TXNDC11: variants seen among roughly 807,000 people sequenced by gnomAD.
TXNDC11 encodes thioredoxin domain-containing protein 11.
A neutral mutation model predicts 78.0 loss-of-function variants in TXNDC11; 68 were observed. That is an observed-to-expected ratio of 0.87 (90% confidence interval 0.72 to 1.07). The LOEUF (loss-of-function observed/expected upper bound fraction) is 1.07, where lower values mean the gene tolerates loss of function less well. Among genes scored for constraint, TXNDC11 ranks in the 50% least tolerant of loss-of-function variants. The probability of loss-of-function intolerance (pLI) is 0.00; values close to 1 mark genes in which losing one functional copy is unlikely to be tolerated. For missense variants in TXNDC11, 1,389 were observed against 1,221.8 expected, an observed-to-expected ratio of 1.14 and a Z score of -2.04; for synonymous variants, 571 against 495.2, an observed-to-expected ratio of 1.15 and a Z score of -2.03.
At chr16:11,697,336 C>A (rs1394259863) in intron 7 of TXNDC11, among the ~76,000 whole-genome samples, 4 of 152,196 alleles carry the variant, frequency 2.6e-5, no homozygotes, top group Non-Finnish European at 4.4e-5. Context: ...CAGTGGTACA[C>A]TGGCTGTCTG....
In TXNDC11 at chr16:11,735,968, C is replaced by T. The variant is rs1388532438; in HGVS notation, c.471+49G>A. On this transcript the variant is annotated intron_variant, in intron 2 of 11. Transcript: ENST00000283033. ...GTCTCTGTGGGGACATCCTGCCCTA[C>T]ATATAGGACTGACAGTCATTTGATT... 10 of 1,580,746 alleles carry T rather than the reference C, an allele frequency of 6.3e-6. No homozygotes were observed. In the African/African-American group the frequency reaches 8.1e-5, roughly 13 times the overall value.
chr16:11,694,564 C>G (rs1273354239), intron 7 of TXNDC11, among the ~76,000 whole-genome samples: 3 of 152,040 alleles, frequency 2.0e-5, no homozygotes, highest in South Asian at 2.1e-4. Context: ...TCTCCTGCCT[C>G]AGCCTCCCAA....
chr16:11,731,584 A>G (rs2052048431), intron 3 of TXNDC11, among the ~76,000 whole-genome samples: 1 of 152,138 alleles, frequency 6.6e-6, no homozygotes, highest in African/African-American at 2.4e-5. Context: ...TCTTTTCTCT[A>G]AACAGAAATT....
chr16:11,682,488 C>T lies in TXNDC11; in HGVS notation c.2234+1677G>A, dbSNP rs540525318. Among the ~76,000 whole-genome samples the T allele has an allele frequency of 1.1e-4, 16 of 152,332 alleles. No homozygotes were observed. The South Asian group carries it at 2.1e-3, about 20-fold the overall frequency. ...AAGAACGAAGGTCACTCAGCCCAGA[C>T]GCAGGCCTCCAGATGACGCCCCACC... On this transcript the variant is annotated intron_variant, in intron 11 of 11. Coordinates refer to ENST00000283033, the MANE Select transcript of TXNDC11 (RefSeq NM_015914.7).
intron 4 of TXNDC11, among the ~76,000 whole-genome samples, chr16:11,729,242 G>A (rs1260682227): frequency 6.6e-6 from 1 of 152,158 alleles, no homozygotes; most frequent in Non-Finnish European, 1.5e-5. Flanking sequence ...AACCCAGTGA[G>A]TGTGCCAAAG....
rs964017792 is a variant in TXNDC11 at position 11,740,228 on chromosome 16, C to G, written c.254+2249G>C. ...GATCTTAAAACTGAAAGAGGAAAAG[C>G]GGGGGTAGAAATGTTAGCCAGTTGC... On this transcript the variant is annotated intron_variant, in intron 1 of 11. Coordinates refer to ENST00000283033, the MANE Select transcript of TXNDC11 (RefSeq NM_015914.7). Among the ~76,000 whole-genome samples the G allele has an allele frequency of 1.2e-4, 18 of 152,010 alleles. No homozygotes were observed. The East Asian group carries it at 3.1e-3, about 26-fold the overall frequency.
At chr16:11,683,265 G>A (rs1035095238) in intron 11 of TXNDC11, among the ~76,000 whole-genome samples, 10 of 152,116 alleles carry the variant, frequency 6.6e-5, no homozygotes, top group African/African-American at 2.4e-4. Flanking sequence ...GGTAGTTGCC[G>A]TTAAGAACTG....
intron 10 of TXNDC11, among the ~76,000 whole-genome samples, chr16:11,687,332 C>G (rs866678687): frequency 6.6e-6 from 1 of 151,958 alleles, no homozygotes; most frequent in Non-Finnish European, 1.5e-5. Context: ...GCTTACTACC[C>G]CATCTAAAGA....
intron 4 of TXNDC11, among the ~76,000 whole-genome samples, chr16:11,725,205 G>C (rs551349648): frequency 6.6e-6 from 1 of 152,240 alleles, no homozygotes; most frequent in South Asian, 2.1e-4. Flanking sequence ...ACCATACCCT[G>C]CCTGAATATT....
chr16:11,742,723 T>C lies in TXNDC11; in HGVS notation c.8A>G (p.Glu3Gly). The C allele has an allele frequency of 6.7e-7, 1 of 1,482,326 alleles. No individual in the cohort carries two copies. 91.8% of individuals were successfully genotyped at this position (1,482,326 alleles called of 1,614,324 possible). The part of the protein sequence containing the change: MS[E>G]CGGRGGGSSS... Reference sequence around the variant, plus strand: ...GCTGCCGCCGCCGCGGCCTCCGCATTCCGACATTACATGCTCCCAGTCGCC... The same window carrying C: ...GCTGCCGCCGCCGCGGCCTCCGCATCCCGACATTACATGCTCCCAGTCGCC... Residue 3 changes from glutamate (E) to glycine (G), a missense_variant, in exon 1 of 12, where the codon GAA becomes GGA. By Grantham distance (98) the Glu-to-Gly change is moderately conservative. Transcript: ENST00000283033.
chr16:11,707,861 T>C (rs865795853), intron 5 of TXNDC11, among the ~76,000 whole-genome samples: 1 of 151,892 alleles, frequency 6.6e-6, no homozygotes, highest in Non-Finnish European at 1.5e-5. Context: ...GGCAGGAGGA[T>C]CACTTGAGGC....
At chr16:11,700,374 C>T (rs570831416) in intron 6 of TXNDC11, 78 bp downstream of exon 6, 1 of 647,632 alleles carries the variant, frequency 1.5e-6, no homozygotes, top group Non-Finnish European at 2.7e-6. Flanking sequence ...AGATTTTAAC[C>T]AATTCTCAAA....
At chr16:11,704,865 G>A (rs9925990) in intron 5 of TXNDC11, among the ~76,000 whole-genome samples, 4,025 of 151,870 alleles carry the variant, frequency 0.027, 185 homozygotes, top group African/African-American at 0.093. Flanking sequence ...TTCAAATGAG[G>A]TCTGCAGTTT....
At chr16:11,732,644 A>T (rs1237457116) in intron 3 of TXNDC11, among the ~76,000 whole-genome samples, 1 of 152,232 alleles carries the variant, frequency 6.6e-6, no homozygotes, top group Non-Finnish European at 1.5e-5. Flanking sequence ...ATTAAAATAC[A>T]AACATCTAAT....
intron 8 of TXNDC11, among the ~76,000 whole-genome samples, chr16:11,690,265 C>A (rs1009660935): frequency 6.6e-6 from 1 of 152,220 alleles, no homozygotes; most frequent in African/African-American, 2.4e-5. Flanking sequence ...TTCCTGGGAA[C>A]AGGCCAGGGT....
In TXNDC11 at chr16:11,731,780, G is replaced by T. The variant is rs1315280495; in HGVS notation, c.570-1006C>A. 2.6e-5 allele frequency among the ~76,000 whole-genome samples: 4 copies of T among 151,862 alleles called. No individual in the cohort carries two copies. The East Asian group carries it at 5.8e-4, about 22-fold the overall frequency. On this transcript the variant is annotated intron_variant, in intron 3 of 11. Transcript: ENST00000283033. ...AATGATGTTAAAGGAATATTAGCAT[G>T]AAAAAAAGTGAAAAACAGCGTTCTC...
chr16:11,679,571 TCTCTGCGGGCACTGGAGAGCTGGGA>T lies in TXNDC11; in HGVS notation c.2476_2500del (p.Ser826MetfsTer155), dbSNP rs775213607. ...CTGCTGCTGCCGCAGCCGGTGCTCATCTCTGCGGGCACTGGAGAGCTGGGACTCCACCTGCACTTGTGCTCGCTGG... is the reference window on the plus strand; with the variant it reads ...CTGCTGCTGCCGCAGCCGGTGCTCATCTCCACCTGCACTTGTGCTCGCTGG... On this transcript the variant is annotated frameshift_variant, in exon 12 of 12. Transcript: ENST00000283033. LOFTEE classifies it low-confidence loss of function (END_TRUNC). This position sits in a 1 kb window ranked among gnomAD's most constrained non-coding sequence, Gnocchi z 4.6. The T allele has an allele frequency of 1.2e-6, 2 of 1,613,888 alleles. No individual in the cohort carries two copies. Among genetic ancestry groups the T allele is most frequent in the Non-Finnish European group, 1.7e-6 (2 of 1,180,038 alleles).
At chr16:11,726,857 CCA>C (rs1215377969) in intron 4 of TXNDC11, among the ~76,000 whole-genome samples, 1 of 152,076 alleles carries the variant, frequency 6.6e-6, no homozygotes, top group African/African-American at 2.4e-5. Context: ...GAGTTCAAGA[CCA>C]GCCTGGCCAA....
intron 11 of TXNDC11, among the ~76,000 whole-genome samples, chr16:11,680,922 T>A (rs35326595): frequency 3.0e-4 from 45 of 152,262 alleles, no homozygotes; most frequent in Admixed American, 4.6e-4. Flanking sequence ...ATCCCAGTGC[T>A]TTGGGAGGCT....
Sources: gnomAD v4.1 joint callset for allele counts (sites outside exome capture counted in the v4.1 genomes callset) on GRCh38, gnomAD v4.1.1 for gene constraint, Gnocchi (gnomAD v3.1) non-coding constraint, MANE v1.5 for transcripts, NCBI Gene and HGNC (gene_info 2026-07-23, HGNC 2026-07-21) for gene names.